The following DNAJC1 variants were observed in gnomAD, a reference collection of about 807,000 sequenced individuals.
DNAJC1 encodes dnaJ homolog subfamily C member 1.
In DNAJC1, 58 loss-of-function variants were observed where a neutral mutation model predicts 76.6. The ratio of observed to expected loss-of-function variants is 0.76; its 90% CI spans 0.61 to 0.94. The LOEUF is 0.94. Ranked by LOEUF, DNAJC1 falls within the 40% of genes least tolerant of loss-of-function variation. The pLI is 0.00. For synonymous variants in DNAJC1, 258 were observed against 267.9 expected (o/e 0.96, Z 0.36); for missense variants, 689 against 677.3 (o/e 1.02, Z -0.19).
At chr10:21,902,889 T>C (rs1030996124) in intron 7 of DNAJC1, among the ~76,000 whole-genome samples, 1 of 152,174 alleles carries the variant, frequency 6.6e-6, no homozygotes, top group Admixed American at 6.5e-5. Context: ...TGTATTCACG[T>C]TGCCTCTACA....
intron 1 of DNAJC1, 23 bp from the exon 2 acceptor site, chr10:21,929,164 A>G (rs748306089): frequency 1.9e-5 from 29 of 1,531,616 alleles, no homozygotes; most frequent in Non-Finnish European, 2.6e-5. Context: ...GGGGGAGGGG[A>G]AAATACAAAG....
intron 9 of DNAJC1, among the ~76,000 whole-genome samples, chr10:21,793,754 TG>T (rs1834720119): frequency 6.6e-6 from 1 of 151,960 alleles, no homozygotes; most frequent in Non-Finnish European, 1.5e-5. Context: ...AAGACCAGCC[TG>T]GGGGGAACAT....
chr10:21,979,874 C>T (rs1372672292), intron 1 of DNAJC1, among the ~76,000 whole-genome samples: 1 of 151,978 alleles, frequency 6.6e-6, no homozygotes, highest in Non-Finnish European at 1.5e-5. Context: ...AAGCTTTCTG[C>T]TCCTATGACT....
At chr10:21,822,374 G>C (rs1234996941) in intron 8 of DNAJC1, among the ~76,000 whole-genome samples, 1 of 152,030 alleles carries the variant, frequency 6.6e-6, no homozygotes, top group African/African-American at 2.4e-5. Context: ...AGGAGGCGGA[G>C]GTTGCAGTGA....
chr10:21,857,170 T>C (rs982607253), intron 8 of DNAJC1, among the ~76,000 whole-genome samples: 13 of 152,196 alleles, frequency 8.5e-5, no homozygotes, highest in African/African-American at 3.1e-4. Flanking sequence ...ATGACTTTGA[T>C]GGCTTAATTT....
At chr10:21,806,191 C>T (rs1013616585) in intron 8 of DNAJC1, 92 bp from the exon 9 acceptor site, 5 of 1,379,980 alleles carry the variant, frequency 3.6e-6, no homozygotes, top group Non-Finnish European at 4.9e-6. Context: ...GAGATAATTG[C>T]TGTGAAGCAA....
intron 8 of DNAJC1, among the ~76,000 whole-genome samples, chr10:21,844,048 C>T (rs565863735): frequency 1.3e-5 from 2 of 152,314 alleles, no homozygotes; most frequent in South Asian, 4.1e-4. Context: ...CACAAGCTCT[C>T]TTGCCTGCTG....
intron 9 of DNAJC1, among the ~76,000 whole-genome samples, chr10:21,795,100 T>C (rs768416309): frequency 4.6e-5 from 7 of 152,058 alleles, no homozygotes; most frequent in Non-Finnish European, 7.4e-5. Context: ...AGAACTCTTA[T>C]GACAGGAAAA....
At chr10:21,780,797 T>C (rs1400837928) in intron 9 of DNAJC1, among the ~76,000 whole-genome samples, 4 of 152,154 alleles carry the variant, frequency 2.6e-5, no homozygotes, top group Non-Finnish European at 5.9e-5. Flanking sequence ...AGACACAGAC[T>C]GGCAAATTGG....
chr10:21,841,491 C>A (rs1287034177), intron 8 of DNAJC1, among the ~76,000 whole-genome samples: 1 of 152,156 alleles, frequency 6.6e-6, no homozygotes. Context: ...AGCCAAAAAA[C>A]ACATGAAAAA....
At chr10:21,996,864 T>A (rs1838423137) in intron 1 of DNAJC1, among the ~76,000 whole-genome samples, 1 of 152,136 alleles carries the variant, frequency 6.6e-6, no homozygotes, top group South Asian at 2.1e-4. Context: ...TTTATGATAA[T>A]TCTATCTGAT....
chr10:21,936,585 G>T (rs1049977667), intron 1 of DNAJC1, among the ~76,000 whole-genome samples: 2 of 151,948 alleles, frequency 1.3e-5, no homozygotes, highest in Non-Finnish European at 2.9e-5. Flanking sequence ...CAAGGAATAG[G>T]GAACAGTGCT....
intron 9 of DNAJC1, among the ~76,000 whole-genome samples, chr10:21,794,266 C>CAAAAAAAAAA (rs542182948): frequency 1.9e-5 from 1 of 53,576 alleles, no homozygotes. Context: ...TTCCTATCTT[C>CAAAAAAAAAA]AAAAAAAAAA....
At chr10:21,973,097 T>G (rs1676818046) in intron 1 of DNAJC1, among the ~76,000 whole-genome samples, 1 of 152,166 alleles carries the variant, frequency 6.6e-6, no homozygotes, top group Non-Finnish European at 1.5e-5. Context: ...TACATATTTA[T>G]ATTTACATTA....
chr10:21,805,650 C>A (rs1287876123), intron 9 of DNAJC1, among the ~76,000 whole-genome samples: 1 of 152,050 alleles, frequency 6.6e-6, no homozygotes, highest in Non-Finnish European at 1.5e-5. Context: ...TGAAATACAA[C>A]CCTCCTAATT....
At position 21,761,009 on chromosome 10, in the gene DNAJC1, T is replaced by C. The variant is rs1322034682; in HGVS notation, c.1148-1391A>G. Among the ~76,000 whole-genome samples, 25 of 152,032 alleles carry C rather than the reference T, an allele frequency of 1.6e-4. 1 individual carries two copies. The highest frequency in any genetic ancestry group is 1.6e-3 in the Admixed American group (25 of 15,272). ...GCTTGGGCAACATGGCAAAACCCCGTCTCTACTAAAAATACAAAAAATTAG... is the reference window on the plus strand; with the variant it reads ...GCTTGGGCAACATGGCAAAACCCCGCCTCTACTAAAAATACAAAAAATTAG... On this transcript the variant is annotated intron_variant, in intron 10 of 11. Transcript: ENST00000376980.
intron 9 of DNAJC1, among the ~76,000 whole-genome samples, chr10:21,780,673 A>T (rs1834516536): frequency 6.6e-6 from 1 of 152,262 alleles, no homozygotes. Flanking sequence ...GATGCTAGGA[A>T]GAAACTGCAT....
Position 21,805,289 on chromosome 10 carries a change from T to G in DNAJC1, c.1098+691A>C, listed in dbSNP as rs199993023. ...ATTTTTTCTCAATTTCAATTAAACATTTACTGTGTATTTAGTATATTACAC... is the reference window on the plus strand; with the variant it reads ...ATTTTTTCTCAATTTCAATTAAACAGTTACTGTGTATTTAGTATATTACAC... On this transcript the variant is annotated intron_variant, in intron 9 of 11. Coordinates refer to ENST00000376980, the MANE Select transcript of DNAJC1 (RefSeq NM_022365.4). Among the ~76,000 whole-genome samples, 23 of 152,238 alleles carry G rather than the reference T, an allele frequency of 1.5e-4. No individual in the cohort carries two copies. In the East Asian group the frequency reaches 4.2e-3, roughly 28 times the overall value.
At chr10:21,859,767 A>C (rs1234141385) in intron 8 of DNAJC1, among the ~76,000 whole-genome samples, 2 of 152,114 alleles carry the variant, frequency 1.3e-5, no homozygotes, top group Admixed American at 1.3e-4. Context: ...ACTAACAGAT[A>C]AACTCTTGGA....
Sources: allele counts gnomAD v4.1 joint callset (sites outside exome capture counted in the v4.1 genomes callset), GRCh38; gene constraint gnomAD v4.1.1; transcripts MANE v1.5; gene names NCBI Gene and HGNC (gene_info 2026-07-23, HGNC 2026-07-21).